The following LRFN5 variants were observed in gnomAD, a reference collection of about 807,000 sequenced individuals.
LRFN5 encodes the protein leucine rich repeat and fibronectin type III domain containing 5.
A neutral mutation model predicts 45.6 loss-of-function variants in LRFN5; 24 were observed. That is an observed-to-expected ratio of 0.53 (90% CI 0.38 to 0.74). LRFN5 has a LOEUF of 0.74. Among genes scored for constraint, LRFN5 ranks in the 30% least tolerant of loss-of-function variants. The probability of loss-of-function intolerance (pLI) is 0.00; values close to 1 mark genes in which losing one functional copy is unlikely to be tolerated. For synonymous variants in LRFN5, 340 were observed against 313.8 expected (o/e 1.08, Z -0.88); for missense variants, 776 against 861.5 (o/e 0.90, Z 1.24).
At chr14:41,899,383 A>G (rs1594508650) in intron 5 of LRFN5, among the ~76,000 whole-genome samples, 1 of 152,140 alleles carries the variant, frequency 6.6e-6, no homozygotes, top group African/African-American at 2.4e-5. Flanking sequence ...CTTTGAAAAC[A>G]GATGAACAGA....
At chr14:41,639,949 A>ATTTTTTTTTTTTTTTTTTT (rs34020254) in intron 1 of LRFN5, among the ~76,000 whole-genome samples, 2 of 68,036 alleles carry the variant, frequency 2.9e-5, no homozygotes. Flanking sequence ...TGACTGGCTA[A>ATTTTTTTTTTTTTTTTTTT]TTTTTTTTTT....
At chr14:41,754,271 G>GATGAT (rs1175787523) in intron 1 of LRFN5, among the ~76,000 whole-genome samples, 13 of 152,144 alleles carry the variant, frequency 8.5e-5, no homozygotes, top group Admixed American at 2.0e-4. Flanking sequence ...GGATGATGCT[G>GATGAT]ACCTCATAAA....
chr14:41,742,692 C>CAGAGAGTCA (rs1555359567), intron 1 of LRFN5: 6 of 151,954 alleles, frequency 3.9e-5, no homozygotes, highest in African/African-American at 1.5e-4. Context: ...CAACAAGAGC[C>CAGAGAGTCA]AGAAGAGCCA....
At chr14:41,888,836 T>G (rs1890671111) in intron 3 of LRFN5, among the ~76,000 whole-genome samples, 1 of 152,038 alleles carries the variant, frequency 6.6e-6, no homozygotes, top group Non-Finnish European at 1.5e-5. Context: ...TGATTTATAG[T>G]CACATCTTAT....
intron 1 of LRFN5, among the ~76,000 whole-genome samples, chr14:41,757,364 A>G (rs1217123613): frequency 2.0e-5 from 3 of 152,194 alleles, no homozygotes; most frequent in African/African-American, 4.8e-5. Flanking sequence ...GGTGAAGTCT[A>G]CAGAGGCAGG....
chr14:41,754,101 A>C (rs1566653519), intron 1 of LRFN5, among the ~76,000 whole-genome samples: 1 of 152,140 alleles, frequency 6.6e-6, no homozygotes, highest in African/African-American at 2.4e-5. Context: ...GCGTTGCATC[A>C]CAGGGATAAA....
chr14:41,697,076 T>C (rs1882644172), intron 1 of LRFN5, among the ~76,000 whole-genome samples: 1 of 151,966 alleles, frequency 6.6e-6, no homozygotes, highest in African/African-American at 2.4e-5. Flanking sequence ...GGTATGAGAG[T>C]TATGATAACC....
At chr14:41,654,063 G>T (rs918893343) in intron 1 of LRFN5, among the ~76,000 whole-genome samples, 2 of 152,036 alleles carry the variant, frequency 1.3e-5, no homozygotes, top group Non-Finnish European at 2.9e-5. Context: ...TTGGGGGAAG[G>T]GGGAGGGATA....
chr14:41,637,645 G>T (rs1285948318), intron 1 of LRFN5, among the ~76,000 whole-genome samples: 1 of 152,056 alleles, frequency 6.6e-6, no homozygotes, highest in Non-Finnish European at 1.5e-5. Flanking sequence ...TTATTCTTTT[G>T]CTCTGAGCTC....
chr14:41,861,800 T>C (rs1889673421), intron 2 of LRFN5, among the ~76,000 whole-genome samples: 1 of 152,190 alleles, frequency 6.6e-6, no homozygotes, highest in Admixed American at 6.5e-5. Context: ...AACTGAATCT[T>C]TATGTAAACA....
At chr14:41,756,556 T>G (rs1174486027) in intron 1 of LRFN5, among the ~76,000 whole-genome samples, 1 of 152,232 alleles carries the variant, frequency 6.6e-6, no homozygotes, top group Non-Finnish European at 1.5e-5. Flanking sequence ...AATCGGCTAC[T>G]GAGGCTTGTG....
chr14:41,620,260 G>T (rs960813219), intron 1 of LRFN5, among the ~76,000 whole-genome samples: 17 of 152,026 alleles, frequency 1.1e-4, no homozygotes, highest in African/African-American at 4.1e-4. Flanking sequence ...ACTAACTATT[G>T]TTAAACTAAC....
intron 1 of LRFN5, among the ~76,000 whole-genome samples, chr14:41,656,655 TAC>T (rs1880394339): frequency 6.6e-6 from 1 of 151,750 alleles, no homozygotes; most frequent in Non-Finnish European, 1.5e-5. Flanking sequence ...ACTCCCAGAG[TAC>T]AGTGATCAAA....
chr14:41,655,776 A>G (rs113332931), intron 1 of LRFN5, among the ~76,000 whole-genome samples: 112 of 152,132 alleles, frequency 7.4e-4, no homozygotes, highest in African/African-American at 2.6e-3. Flanking sequence ...GGAGACCACA[A>G]GATTTGTGGA....
chr14:41,640,770 A>G (rs1157668778), intron 1 of LRFN5, among the ~76,000 whole-genome samples: 2 of 152,138 alleles, frequency 1.3e-5, no homozygotes, highest in Non-Finnish European at 2.9e-5. Flanking sequence ...AATAATATCT[A>G]GTTAAGAAGT....
intron 2 of LRFN5, among the ~76,000 whole-genome samples, chr14:41,798,027 G>A (rs1047915541): frequency 2.6e-5 from 4 of 151,734 alleles, no homozygotes; most frequent in South Asian, 2.1e-4. Context: ...ATTTGCACAC[G>A]TTTTCCTCTT....
intron 1 of LRFN5, among the ~76,000 whole-genome samples, chr14:41,615,773 T>A (rs2138546587): frequency 6.6e-6 from 1 of 152,244 alleles, no homozygotes; most frequent in African/African-American, 2.4e-5. Flanking sequence ...CATATATACC[T>A]CTTTTTTAAA....
chr14:41,754,889 C>G (rs922792700), intron 1 of LRFN5, among the ~76,000 whole-genome samples: 1 of 152,016 alleles, frequency 6.6e-6, no homozygotes, highest in Admixed American at 6.6e-5. Context: ...CCTGCTTTCT[C>G]TTGTGGGCAT....
chr14:41,745,352 A>G (rs1176962278), intron 1 of LRFN5, among the ~76,000 whole-genome samples: 2 of 152,082 alleles, frequency 1.3e-5, no homozygotes, highest in African/African-American at 4.8e-5. Context: ...AAATCATAAT[A>G]TATCAAAACT....
Sources: gnomAD v4.1 joint callset for allele counts (sites outside exome capture counted in the v4.1 genomes callset) on GRCh38, gnomAD v4.1.1 for gene constraint, MANE v1.5 for transcripts, NCBI Gene and HGNC (gene_info 2026-07-23, HGNC 2026-07-21) for gene names.